The following QSER1 variants were observed in gnomAD, a reference collection of about 807,000 sequenced individuals.
QSER1 encodes glutamine and serine-rich protein 1.
In QSER1, 49 loss-of-function variants were observed where a neutral mutation model predicts 158.5. The ratio of observed to expected loss-of-function variants is 0.31; its 90% confidence interval spans 0.25 to 0.39. The LOEUF is 0.39. Ranked by LOEUF, QSER1 falls within the 10% of genes least tolerant of loss-of-function variation. QSER1 has a pLI of 1.00. For synonymous variants in QSER1, 650 were observed against 715.5 expected, an observed-to-expected ratio of 0.91 and a Z score of 1.46; for missense variants, 1,754 against 2,010.3, an observed-to-expected ratio of 0.87 and a Z score of 2.44.
chr11:32,904,189 C>CTTT (rs370789790), intron 1 of QSER1, among the ~76,000 whole-genome samples: 9 of 137,212 alleles, frequency 6.6e-5, no homozygotes, highest in Non-Finnish European at 8.0e-5. Context: ...ATTTCTTTTT[C>CTTT]TTTTTTTTTT....
Position 32,933,425 on chromosome 11 carries a change from G to A in QSER1, c.2167G>A (p.Glu723Lys), listed in dbSNP as rs775321646. 6.2e-7 allele frequency: 1 copy of A among 1,613,710 alleles called. No individual in the cohort carries two copies. Among genetic ancestry groups the A allele is most frequent in the African/African-American group, 1.3e-5 (1 of 74,900 alleles). Residue 723 changes from glutamate (E) to lysine (K), a missense_variant, in exon 4 of 13, where the codon GAA becomes AAA. Glu to Lys is a moderately conservative substitution (Grantham distance 56). Transcript: ENST00000650167. ...RLSDGEINAQ[E>K]STYKVSKADD... ...ATCTGATGGAGAAATTAATGCTCAA[G>A]AATCAACTTATAAGGTGTCAAAGGC...
At chr11:32,975,923 CTTCTT>C (rs1459329563) in intron 12 of QSER1, among the ~76,000 whole-genome samples, 1 of 152,218 alleles carries the variant, frequency 6.6e-6, no homozygotes, top group South Asian at 2.1e-4. Context: ...AGCACTATCA[CTTCTT>C]TTCATTATAA....
chr11:32,894,603 G>A (rs111979654), intron 1 of QSER1, among the ~76,000 whole-genome samples: 2 of 152,178 alleles, frequency 1.3e-5, no homozygotes, highest in Non-Finnish European at 2.9e-5. Flanking sequence ...AAGTGTGAAG[G>A]GTAGCTGGTC....
At chr11:32,958,108 T>C (rs1385297729) in intron 8 of QSER1, 22 bp downstream of exon 8, 1 of 1,571,868 alleles carries the variant, frequency 6.4e-7, no homozygotes, top group Non-Finnish European at 8.8e-7. Context: ...GTGAAATGGC[T>C]ACCCTGATAA....
At chr11:32,897,827 T>C (rs567523686) in intron 1 of QSER1, among the ~76,000 whole-genome samples, 1 of 152,338 alleles carries the variant, frequency 6.6e-6, no homozygotes, top group African/African-American at 2.4e-5. Flanking sequence ...ACACCTCTGC[T>C]TCTCTAGTGA....
intron 1 of QSER1, among the ~76,000 whole-genome samples, chr11:32,921,333 G>A (rs1851897482): frequency 6.6e-6 from 1 of 152,098 alleles, no homozygotes; most frequent in Admixed American, 6.6e-5. Flanking sequence ...TGATTGCCAG[G>A]GGCAGAAGAG....
At position 32,935,270 on chromosome 11, in the gene QSER1, G is replaced by T; in HGVS notation, c.4012G>T (p.Gly1338Cys). The T allele has an allele frequency of 6.2e-7, 1 of 1,613,762 alleles. No individual in the cohort carries two copies. Among genetic ancestry groups the T allele is most frequent in the South Asian group, 1.1e-5 (1 of 90,984 alleles). ...CACACCTTTAGTGTCTGAAACTGGCGGTAACAGTCCATCAGATAAAGTTGA... is the reference window on the plus strand; with the variant it reads ...CACACCTTTAGTGTCTGAAACTGGCTGTAACAGTCCATCAGATAAAGTTGA... ...TPTPLVSETGGNSPSDKVDNE... is the reference protein window; with the variant it reads ...TPTPLVSETGCNSPSDKVDNE... Residue 1338 changes from glycine (G) to cysteine (C), a missense_variant, in exon 4 of 13, where the codon GGT (glycine) becomes TGT (cysteine). Around this residue, in one of 2 missense-constraint regions of QSER1, gnomAD observed 1,707 missense variants for 1,919.6 expected, o/e 0.89. Transcript: ENST00000650167.
At chr11:32,920,249 G>T (rs536512450) in intron 1 of QSER1, among the ~76,000 whole-genome samples, 2 of 152,132 alleles carry the variant, frequency 1.3e-5, no homozygotes, top group Non-Finnish European at 2.9e-5. Context: ...ATATAAAATC[G>T]TAAGAGTATT....
At chr11:32,917,972 G>A (rs1479421032) in intron 1 of QSER1, among the ~76,000 whole-genome samples, 1 of 152,006 alleles carries the variant, frequency 6.6e-6, no homozygotes, top group Admixed American at 6.6e-5. Context: ...CTGATATAAT[G>A]CCTAAAATTA....
At chr11:32,944,554 G>C (rs1852296194) in intron 4 of QSER1, among the ~76,000 whole-genome samples, 1 of 151,996 alleles carries the variant, frequency 6.6e-6, no homozygotes, top group South Asian at 2.1e-4. Context: ...TTTTGAGTGA[G>C]ATTCTTAAAC....
chr11:32,901,339 A>G (rs1370820327), intron 1 of QSER1, among the ~76,000 whole-genome samples: 2 of 152,240 alleles, frequency 1.3e-5, no homozygotes, highest in African/African-American at 2.4e-5. Flanking sequence ...AATGAATGAA[A>G]TAACTGCTAT....
At position 32,973,488 on chromosome 11, in the gene QSER1, A is replaced by G. The variant is rs562286702; in HGVS notation, c.5297A>G (p.Asn1766Ser). The change falls in exon 11 of 13, where the codon AAT (asparagine) becomes AGT (serine). Residue 1766 changes from asparagine (N) to serine (S), a missense_variant. Transcript: ENST00000650167. ...ACTGCTATTTCTAAAATCAAAATGA[A>G]TGGCAAAGCCTATAATAAGAAAACT... ...GGTAISKIKM[N>S]GKAYNKKTLR... 2 of 1,613,736 alleles carry G rather than the reference A, an allele frequency of 1.2e-6. No homozygotes were observed. Among genetic ancestry groups the G allele is most frequent in the African/African-American group, 2.7e-5 (2 of 75,042 alleles).
chr11:32,935,518 T>C, intron 4 of QSER1, 83 bp downstream of exon 4: 1 of 1,024,314 alleles, frequency 9.8e-7, no homozygotes, highest in Non-Finnish European at 1.4e-6. Context: ...TTTTTTCACT[T>C]AAAGCAGGTC....
At chr11:32,923,883 G>A (rs1047392808) in intron 1 of QSER1, among the ~76,000 whole-genome samples, 1 of 152,146 alleles carries the variant, frequency 6.6e-6, no homozygotes, top group Non-Finnish European at 1.5e-5. Flanking sequence ...CAGGGGAATC[G>A]CTTGAACCCG....
At chr11:32,945,481 C>G (rs1376357918) in intron 4 of QSER1, among the ~76,000 whole-genome samples, 2 of 151,892 alleles carry the variant, frequency 1.3e-5, no homozygotes, top group African/African-American at 4.8e-5. Flanking sequence ...TATTTTATTT[C>G]TCCTTCACTT....
At chr11:32,924,237 T>A (rs1851936930) in intron 1 of QSER1, among the ~76,000 whole-genome samples, 1 of 59,510 alleles carries the variant, frequency 1.7e-5, no homozygotes, top group Non-Finnish European at 4.6e-5. Context: ...TCTTGATAAT[T>A]CACACTGAGC....
intron 1 of QSER1, among the ~76,000 whole-genome samples, chr11:32,896,064 G>A (rs1590702662): frequency 6.6e-6 from 1 of 152,294 alleles, no homozygotes; most frequent in Middle Eastern, 3.4e-3. Context: ...ATTTCAGTTC[G>A]TTTTAGGAAC....
rs142160800 is a variant in QSER1 at position 32,955,017 on chromosome 11, T to C, written c.4501-279T>C. Among the ~76,000 whole-genome samples the C allele has an allele frequency of 8.6e-4, 131 of 152,364 alleles. 1 individual carries two copies. In the East Asian group the frequency reaches 0.02, roughly 23 times the overall value. ...TAGTTATAAAATTGCATATGTAACA[T>C]AGGACAGTGTCATTAGCAGAAAACT... On this transcript the variant is annotated intron_variant, in intron 5 of 12. Coordinates refer to ENST00000650167, the MANE Select transcript of QSER1 (RefSeq NM_001076786.3).
At position 32,934,650 on chromosome 11, in the gene QSER1, A is replaced by G; in HGVS notation, c.3392A>G (p.Asn1131Ser). Reference protein sequence around the residue: ...EAPVDSTLNNNRNQEFVSSSR... With the variant: ...EAPVDSTLNNSRNQEFVSSSR... ...CCTGTTGATAGTACATTAAATAATAACAGAAACCAAGAGTTTGTTTCTAGT... is the reference window on the plus strand; with the variant it reads ...CCTGTTGATAGTACATTAAATAATAGCAGAAACCAAGAGTTTGTTTCTAGT... The change falls in exon 4 of 13, where the codon AAC (asparagine) becomes AGC (serine). Residue 1131 changes from asparagine (N) to serine (S), a missense_variant. Coordinates refer to ENST00000650167, the MANE Select transcript of QSER1 (RefSeq NM_001076786.3). 1 of 1,613,826 alleles carries G rather than the reference A, an allele frequency of 6.2e-7. No homozygotes were observed.
Sources: allele counts gnomAD v4.1 joint callset (sites outside exome capture counted in the v4.1 genomes callset), GRCh38; gene constraint gnomAD v4.1.1; regional missense constraint gnomAD v4.1.1; transcripts MANE v1.5; gene names NCBI Gene and HGNC (gene_info 2026-07-23, HGNC 2026-07-21).